The following MYH10 variants were observed in gnomAD, a reference collection of about 807,000 sequenced individuals.
MYH10 encodes the protein myosin heavy chain 10, also known as myosin-10.
Under a neutral mutation model 257.8 loss-of-function variants are expected in MYH10, and 55 were observed. The ratio of observed to expected loss-of-function variants is 0.21; its 90% CI spans 0.17 to 0.27. The LOEUF (loss-of-function observed/expected upper bound fraction) is 0.27. Among genes scored for constraint, MYH10 ranks in the 10% least tolerant of loss-of-function variants. MYH10 has a pLI of 1.00. For synonymous variants in MYH10, 854 were observed against 921.7 expected (o/e 0.93, Z 1.33); for missense variants, 1,631 against 2,500.6 (o/e 0.65, Z 7.42).
At chr17:8,591,578 T>TTTA (rs1204825040) in intron 3 of MYH10, among the ~76,000 whole-genome samples, 1 of 152,208 alleles carries the variant, frequency 6.6e-6, no homozygotes, top group Non-Finnish European at 1.5e-5. Flanking sequence ...TACCAAGTTG[T>TTTA]TTATGGTTTT....
rs962408107 is a variant in MYH10 at position 8,518,480 on chromosome 17, A to C, written c.2504+151T>G. On this transcript the variant is annotated intron_variant, in intron 21 of 42. Transcript: ENST00000360416. Reference sequence around the variant, plus strand: ...CAACATCCCATTACTTAGAATGTTCATGTATTTACCTGACTATCTCTGCCA... The same window carrying C: ...CAACATCCCATTACTTAGAATGTTCCTGTATTTACCTGACTATCTCTGCCA... 14 of 763,280 alleles carry C rather than the reference A, an allele frequency of 1.8e-5. No homozygotes were observed. The African/African-American group carries it at 2.3e-4, about 13-fold the overall frequency. 47.3% of individuals were successfully genotyped at this position (763,280 alleles called of 1,614,324 possible). A position where few individuals can be genotyped will look rare whatever the true frequency, so the allele number is the denominator to read the frequency against.
chr17:8,595,130 T>TA (rs1322370666), intron 3 of MYH10, among the ~76,000 whole-genome samples: 3 of 152,086 alleles, frequency 2.0e-5, no homozygotes, highest in African/African-American at 7.2e-5. Flanking sequence ...TGCATTATGC[T>TA]AAAAAAAGAA....
chr17:8,556,220 G>A (rs775535201), intron 7 of MYH10, among the ~76,000 whole-genome samples: 12 of 152,194 alleles, frequency 7.9e-5, no homozygotes, highest in South Asian at 4.1e-4. Context: ...TTCTCACGGC[G>A]TCAAACACAG....
chr17:8,480,311 G>A lies in MYH10; in HGVS notation c.5396C>T (p.Thr1799Ile). The A allele has an allele frequency of 6.2e-7, 1 of 1,614,128 alleles. No individual in the cohort carries two copies. Residue 1799 changes from threonine (T) to isoleucine (I), a missense_variant, in exon 40 of 43, where the codon ACA (threonine) becomes ATA (isoleucine). By Grantham distance (89) the Thr-to-Ile change is moderately conservative (BLOSUM62 -1). This residue lies in a region of MYH10 where 343 missense variants were observed against 389.5 expected (regional missense o/e 0.88). Coordinates refer to ENST00000360416, the MANE Select transcript of MYH10 (RefSeq NM_001256012.3). ...RFRKTTLQVDTLNAELAAERS... is the reference protein window; with the variant it reads ...RFRKTTLQVDILNAELAAERS... The stretch of plus-strand genomic sequence containing the variant: ...CTCGGCTGCTAGCTCGGCGTTCAGT[G>A]TGTCCACCTAGAGAGGAGAGAGGAG...
At position 8,490,591 on chromosome 17, in the gene MYH10, G is replaced by A. The variant is rs1465471729; in HGVS notation, c.4672-39C>T. On this transcript the variant is annotated intron_variant, in intron 34 of 42. Transcript: ENST00000360416. The surrounding 1 kb of genome is among the most constrained non-coding windows in gnomAD (Gnocchi z 4.1). Reference sequence around the variant, plus strand: ...GCATCAGGAAAGAGTTGACCGGGGTGGAGGCACATATGAAGAACAGCAGTC... The same window carrying A: ...GCATCAGGAAAGAGTTGACCGGGGTAGAGGCACATATGAAGAACAGCAGTC... 1.3e-6 allele frequency: 2 copies of A among 1,589,290 alleles called. No individual in the cohort carries two copies. The highest frequency in any genetic ancestry group is 1.7e-5 in the Admixed American group (1 of 59,904).
At chr17:8,538,942 T>C (rs1215654611) in intron 14 of MYH10, among the ~76,000 whole-genome samples, 2 of 152,202 alleles carry the variant, frequency 1.3e-5, no homozygotes, top group African/African-American at 4.8e-5. Context: ...GTCATGGGGC[T>C]CTTTCCTAGT....
Position 8,569,912 on chromosome 17 carries a change from TC to T in MYH10, c.664-101del, listed in dbSNP as rs2083283091. ...AAAAATTTCTAAAAAAGAAACTGCA[TC>T]TTTTCCTCAGTTCTTTCATTCTGTC... On this transcript the variant is annotated intron_variant, in intron 6 of 42. Coordinates refer to ENST00000360416, the MANE Select transcript of MYH10 (RefSeq NM_001256012.3). The surrounding 1 kb of genome is among the most constrained non-coding windows in gnomAD (Gnocchi z 4.1). 6 of 835,656 alleles carry T rather than the reference TC, an allele frequency of 7.2e-6. No individual in the cohort carries two copies. Among genetic ancestry groups the T allele is most frequent in the Non-Finnish European group, 9.1e-6 (5 of 550,970 alleles). 51.8% of individuals were successfully genotyped at this position (835,656 alleles called of 1,614,324 possible).
At chr17:8,566,523 C>T (rs1407123501) in intron 7 of MYH10, among the ~76,000 whole-genome samples, 1 of 152,104 alleles carries the variant, frequency 6.6e-6, no homozygotes, top group East Asian at 1.9e-4. Flanking sequence ...CAGCCAAGAG[C>T]CATGTAGGAT....
In MYH10 at chr17:8,493,796, C is replaced by A; in HGVS notation, c.4146G>T (p.Gln1382His). ...LEEEKNSLQE[Q>H]QEEEEEARKN... The stretch of plus-strand genomic sequence containing the variant: ...TCCTGGCCTCCTCCTCCTCCTCCTG[C>A]TGCTCCTGAAGACTGTTCTTCTCCT... The change falls in exon 32 of 43, where the codon CAG (glutamine) becomes CAT (histidine). Residue 1382 changes from glutamine (Q) to histidine (H), a missense_variant. By Grantham distance (24) the Gln-to-His change is conservative. This residue lies in a region of MYH10 where 463 missense variants were observed against 621.8 expected (regional missense o/e 0.74). Coordinates refer to ENST00000360416, the MANE Select transcript of MYH10 (RefSeq NM_001256012.3). 1 of 1,614,056 alleles carries A rather than the reference C, an allele frequency of 6.2e-7. No individual in the cohort carries two copies. The highest frequency in any genetic ancestry group is 8.5e-7 in the Non-Finnish European group (1 of 1,179,982).
chr17:8,531,621 G>A (rs2082006463), intron 16 of MYH10, among the ~76,000 whole-genome samples: 1 of 151,266 alleles, frequency 6.6e-6, no homozygotes, highest in African/African-American at 2.4e-5. Flanking sequence ...AAACTCCTGG[G>A]GTCAAGCGAT....
chr17:8,518,614 C>T lies in MYH10; in HGVS notation c.2504+17G>A, dbSNP rs577355462. 40 of 1,605,168 alleles carry T rather than the reference C, an allele frequency of 2.5e-5. No homozygotes were observed. In the South Asian group the frequency reaches 3.0e-4, roughly 12 times the overall value. ...GCACTTCCTCAGTGAACGATTAATT[C>T]GTGAATACCCACTCACTTTCTGGCC... On this transcript the variant is annotated intron_variant, in intron 21 of 42. Coordinates refer to ENST00000360416, the MANE Select transcript of MYH10 (RefSeq NM_001256012.3).
Position 8,475,593 on chromosome 17 carries a change from A to T in MYH10, c.*211T>A, listed in dbSNP as rs547599427. ...GCAATGATGAAACAATCTGTTTAAT[A>T]TATGTGTCCTGTGTGTGTCTATATA... On this transcript the variant is annotated 3_prime_UTR_variant, in exon 43 of 43. Transcript: ENST00000360416. The T allele has an allele frequency of 1.8e-6, 1 of 546,410 alleles. No homozygotes were observed. The highest frequency in any genetic ancestry group is 3.2e-6 in the Non-Finnish European group (1 of 310,700). The allele number at this position is 546,410 out of a possible 1,614,324, so 33.8% of individuals were successfully genotyped here. A position where few individuals can be genotyped will look rare whatever the true frequency, so the allele number is the denominator to read the frequency against.
At chr17:8,527,808 G>A (rs1156779379) in intron 17 of MYH10, among the ~76,000 whole-genome samples, 1 of 152,162 alleles carries the variant, frequency 6.6e-6, no homozygotes, top group African/African-American at 2.4e-5. Context: ...GTACCCAAGC[G>A]CTGCTTCTCC....
intron 3 of MYH10, 73 bp downstream of exon 3, chr17:8,604,753 A>G: frequency 9.1e-7 from 1 of 1,099,782 alleles, no homozygotes; most frequent in Non-Finnish European, 1.2e-6. Flanking sequence ...TGTAGAATAC[A>G]TTGAGACATT....
chr17:8,492,787 T>C lies in MYH10; in HGVS notation c.4447A>G (p.Lys1483Glu). 6.2e-7 allele frequency: 1 copy of C among 1,613,670 alleles called. No homozygotes were observed. Among genetic ancestry groups the C allele is most frequent in the Non-Finnish European group, 8.5e-7 (1 of 1,179,988 alleles). ...CGTGGCCGACCCACCTGGTCAAACT[T>C]CTTCTGCTTCTTCTCCAAGTTGGAG... ...VASNLEKKQK[K>E]FDQLLAEEKS... is the part of the protein sequence containing the mutation. Residue 1483 changes from lysine (K) to glutamate (E), a missense_variant, in exon 33 of 43, where the codon AAG becomes GAG. Physicochemically the swap from Lys to Glu is moderately conservative, Grantham distance 56. This residue lies in a region of MYH10 where 463 missense variants were observed against 621.8 expected (regional missense o/e 0.74). Coordinates refer to ENST00000360416, the MANE Select transcript of MYH10 (RefSeq NM_001256012.3).
intron 8 of MYH10, among the ~76,000 whole-genome samples, chr17:8,553,029 CTT>C (rs2082688111): frequency 6.6e-6 from 1 of 152,314 alleles, no homozygotes; most frequent in African/African-American, 2.4e-5. Flanking sequence ...GTTTGCCTCT[CTT>C]GAGGTAAACC....
intron 2 of MYH10, among the ~76,000 whole-genome samples, chr17:8,615,460 T>C (rs1006543025): frequency 2.0e-5 from 3 of 152,142 alleles, no homozygotes; most frequent in Non-Finnish European, 4.4e-5. Context: ...ACCAGCATAA[T>C]CTTGATAGCA....
At chr17:8,489,573 G>C (rs1597622618) in intron 35 of MYH10, among the ~76,000 whole-genome samples, 2 of 152,110 alleles carry the variant, frequency 1.3e-5, no homozygotes, top group African/African-American at 4.8e-5. Flanking sequence ...GCATGGTGGT[G>C]TGTGTCTGTG....
At chr17:8,486,670 A>T (rs1013502609) in intron 36 of MYH10, among the ~76,000 whole-genome samples, 1 of 151,732 alleles carries the variant, frequency 6.6e-6, no homozygotes, top group African/African-American at 2.4e-5. Context: ...ACATGTCTGT[A>T]TGTGAAAATG....
Sources: gnomAD v4.1 joint callset for allele counts (sites outside exome capture counted in the v4.1 genomes callset) on GRCh38, gnomAD v4.1.1 for gene constraint, gnomAD v4.1.1 regional missense constraint, Gnocchi (gnomAD v3.1) non-coding constraint, MANE v1.5 for transcripts, NCBI Gene and HGNC (gene_info 2026-07-23, HGNC 2026-07-21) for gene names.